XPR1: variants seen among roughly 807,000 people sequenced by gnomAD.
The protein encoded by XPR1 is xenotropic and polytropic retrovirus receptor 1, also known as solute carrier family 53 member 1.
XPR1 carries 28 observed loss-of-function variants against 87.5 expected under a neutral mutation model. The ratio of observed to expected loss-of-function variants is 0.32; its 90% CI spans 0.24 to 0.44. XPR1 has a LOEUF of 0.44. Among genes scored for constraint, XPR1 ranks in the 20% least tolerant of loss-of-function variants. The pLI is 1.00. For missense variants in XPR1, 559 were observed against 862.3 expected (o/e 0.65, Z 4.41); for synonymous variants, 300 against 306.1 (o/e 0.98, Z 0.21).
intron 1 of XPR1, among the ~76,000 whole-genome samples, chr1:180,681,846 AAAG>A (rs1174254450): frequency 1.3e-5 from 2 of 152,174 alleles, no homozygotes; most frequent in East Asian, 3.9e-4. Context: ...TTCATTAAAA[AAAG>A]TATTGAAGAT....
intron 9 of XPR1, among the ~76,000 whole-genome samples, chr1:180,831,368 T>TTTTTC (rs1254059598): frequency 0.12 from 355 of 2,850 alleles, 4 homozygotes; most frequent in Non-Finnish European, 0.24. Context: ...TTTTCTTTTT[T>TTTTTC]TTTTTTTTTT....
chr1:180,683,477 A>G (rs149848163), intron 2 of XPR1, among the ~76,000 whole-genome samples: 2,165 of 152,240 alleles, frequency 0.014, 40 homozygotes, highest in African/African-American at 0.049. Flanking sequence ...TTGGGTATAT[A>G]CCCAGTAATG....
intron 7 of XPR1, among the ~76,000 whole-genome samples, chr1:180,819,421 A>G (rs958342103): frequency 6.6e-6 from 1 of 152,182 alleles, no homozygotes. Flanking sequence ...TGTGGAGTTC[A>G]AGGATATTTT....
intron 11 of XPR1, among the ~76,000 whole-genome samples, chr1:180,846,276 A>AC (rs1347681042): frequency 6.6e-6 from 1 of 151,252 alleles, no homozygotes; most frequent in African/African-American, 2.4e-5. Flanking sequence ...AAAAAAAAAA[A>AC]ATGTCAAGGG....
chr1:180,685,731 G>A (rs754208960), intron 2 of XPR1, among the ~76,000 whole-genome samples: 4 of 152,050 alleles, frequency 2.6e-5, no homozygotes, highest in Admixed American at 2.0e-4. Context: ...TGTATGTGTC[G>A]AGGAATTTAT....
chr1:180,647,824 C>G lies in XPR1; in HGVS notation c.69+15554C>G, dbSNP rs1655166841. Among the ~76,000 whole-genome samples, 3 of 149,358 alleles carry G rather than the reference C, an allele frequency of 2.0e-5. No individual in the cohort carries two copies. In the South Asian group the frequency reaches 6.3e-4, roughly 31 times the overall value. On this transcript the variant is annotated intron_variant, in intron 1 of 14. Transcript: ENST00000367590. ...GCTGAGGCACGAGAATTGCTTGAAC[C>G]CAGGATGTGGAGGTTGCAGTGAGCC...
At chr1:180,878,567 TATC>T (rs1293531397) in intron 13 of XPR1, among the ~76,000 whole-genome samples, 1 of 152,210 alleles carries the variant, frequency 6.6e-6, no homozygotes, top group Non-Finnish European at 1.5e-5. Flanking sequence ...TAGGTGCTGT[TATC>T]ATGTCTTTTA....
At chr1:180,788,040 T>C (rs1158375762) in intron 3 of XPR1, among the ~76,000 whole-genome samples, 186 bp downstream of exon 3, 5 of 152,216 alleles carry the variant, frequency 3.3e-5, no homozygotes, top group African/African-American at 2.4e-5. Flanking sequence ...CTTTCTGTGG[T>C]CATTGCCTAG....
intron 1 of XPR1, among the ~76,000 whole-genome samples, chr1:180,670,408 G>A (rs1452602902): frequency 6.6e-6 from 1 of 152,168 alleles, no homozygotes. Flanking sequence ...TGGTTACCAT[G>A]AGGAGTACAT....
intron 13 of XPR1, among the ~76,000 whole-genome samples, chr1:180,879,142 A>T (rs1370632754): frequency 1.3e-5 from 2 of 152,204 alleles, no homozygotes; most frequent in Non-Finnish European, 2.9e-5. Context: ...CATGTCAGTA[A>T]GTCCTGTCAG....
intron 2 of XPR1, among the ~76,000 whole-genome samples, chr1:180,749,874 T>C (rs1488537542): frequency 6.6e-6 from 1 of 152,220 alleles, no homozygotes; most frequent in African/African-American, 2.4e-5. Flanking sequence ...TTTAATATTA[T>C]CACTTTTCAC....
chr1:180,853,791 G>GTTTTTTTTTTTTTTTTTTTTTTGTT (rs374408714), intron 11 of XPR1, among the ~76,000 whole-genome samples: 1 of 109,446 alleles, frequency 9.1e-6, no homozygotes. Context: ...CATTCATGTG[G>GTTTTTTTTTTTTTTTTTTTTTTGTT]TTTTTTTTTT....
intron 1 of XPR1, among the ~76,000 whole-genome samples, chr1:180,659,337 T>G (rs1054205090): frequency 9.5e-5 from 12 of 126,674 alleles, no homozygotes; most frequent in Middle Eastern, 8.3e-3. Flanking sequence ...CCTTCCTTCC[T>G]TCCGTCCTTC....
intron 2 of XPR1, among the ~76,000 whole-genome samples, chr1:180,783,229 A>G (rs1025986839): frequency 1.3e-5 from 2 of 152,048 alleles, no homozygotes; most frequent in Admixed American, 6.6e-5. Context: ...ACTTCAGCCT[A>G]GGTGACACAG....
chr1:180,638,934 G>T (rs574554273), intron 1 of XPR1, among the ~76,000 whole-genome samples: 16 of 152,266 alleles, frequency 1.1e-4, no homozygotes, highest in African/African-American at 3.9e-4. Context: ...TACTCAGACT[G>T]ATATTTAGTC....
intron 1 of XPR1, among the ~76,000 whole-genome samples, chr1:180,680,571 G>A (rs958071187): frequency 1.3e-5 from 2 of 151,980 alleles, no homozygotes; most frequent in African/African-American, 4.8e-5. Flanking sequence ...CACCATGTTG[G>A]CCAGGATGGT....
At chr1:180,785,669 G>A (rs141113221) in intron 2 of XPR1, among the ~76,000 whole-genome samples, 11 of 151,958 alleles carry the variant, frequency 7.2e-5, no homozygotes, top group African/African-American at 2.4e-4. Flanking sequence ...TATTTTAGAA[G>A]AGAAGCTATG....
intron 9 of XPR1, among the ~76,000 whole-genome samples, chr1:180,826,959 G>A (rs1209689860): frequency 6.6e-6 from 1 of 151,756 alleles, no homozygotes; most frequent in East Asian, 1.9e-4. Context: ...TTCAAGACCA[G>A]CCTGGCTAAC....
rs575517359 is a variant in XPR1, at chr1:180,889,675, A to T, written c.*5609A>T. 1.3e-5 allele frequency: 2 copies of T among 152,362 alleles called. No homozygotes were observed. Among genetic ancestry groups the T allele is most frequent in the African/African-American group, 4.8e-5 (2 of 41,584 alleles). 9.4% of individuals were successfully genotyped at this position (152,362 alleles called of 1,614,324 possible). On this transcript the variant is annotated 3_prime_UTR_variant, in exon 15 of 15. Coordinates refer to ENST00000367590, the MANE Select transcript of XPR1 (RefSeq NM_004736.4). ...CAGAACTCTTAATCACGTTGTGAAG[A>T]TTAATTTCTTGCCATTTTCTGGATT... is the stretch of plus-strand genomic sequence containing the variant.
Sources: gnomAD v4.1 joint callset for allele counts (sites outside exome capture counted in the v4.1 genomes callset) on GRCh38, gnomAD v4.1.1 for gene constraint, MANE v1.5 for transcripts, NCBI Gene and HGNC (gene_info 2026-07-23, HGNC 2026-07-21) for gene names.